The following MEGF10 variants were observed in gnomAD, a reference collection of about 807,000 sequenced individuals.
MEGF10 encodes the protein multiple EGF like domains 10.
MEGF10 carries 86 observed loss-of-function variants against 147.5 expected under a neutral mutation model. The observed-to-expected ratio is 0.58, with a 90% CI of 0.49 to 0.70. MEGF10 has a LOEUF of 0.70. MEGF10 is among the 30% of genes least tolerant of loss of function. MEGF10 has a pLI of 0.00. For synonymous variants in MEGF10, 478 were observed against 525.5 expected (o/e 0.91, Z 1.24); for missense variants, 1,329 against 1,487.3 (o/e 0.89, Z 1.75).
intron 8 of MEGF10, among the ~76,000 whole-genome samples, chr5:127,404,995 C>A (rs1290170921): frequency 6.6e-6 from 1 of 152,028 alleles, no homozygotes; most frequent in East Asian, 1.9e-4. Context: ...AGATTACAGG[C>A]GTTGGAAACA....
intron 1 of MEGF10, among the ~76,000 whole-genome samples, chr5:127,312,132 T>A (rs1389415130): frequency 1.3e-5 from 2 of 152,016 alleles, no homozygotes; most frequent in Non-Finnish European, 2.9e-5. Flanking sequence ...CTTTTCATGG[T>A]CTCCAGGGAA....
Position 127,313,859 on chromosome 5 carries a change from C to A in MEGF10, c.-18-17432C>A, listed in dbSNP as rs566973270. 1.4e-4 allele frequency among the ~76,000 whole-genome samples: 22 copies of A among 152,308 alleles called. No homozygotes were observed. The South Asian group carries it at 4.1e-3, about 29-fold the overall frequency. ...CAATTGCTGAAAAAGTAAAGCTTTT[C>A]TTTAAATAAGATTCAGAATAACTTC... On this transcript the variant is annotated intron_variant, in intron 1 of 24. Coordinates refer to ENST00000503335, the MANE Select transcript of MEGF10 (RefSeq NM_001256545.2).
Position 127,340,540 on chromosome 5 carries a change from C to T in MEGF10, c.229C>T (p.Arg77Trp), listed in dbSNP as rs752303954. Residue 77 changes from arginine to tryptophan, a missense_variant, in exon 4 of 25, where the codon CGG becomes TGG. Physicochemically the swap from Arg to Trp is moderately radical, Grantham distance 101. Transcript: ENST00000503335. ...FKCTRHRVSY[R>W]TAYRHGEKTM... is the part of the protein sequence containing the mutation. ...TTTCCTTCTCTATAGAGTCAGCTAT[C>T]GGACAGCCTATCGACATGGGGAGAA... 4 of 1,612,132 alleles carry T rather than the reference C, an allele frequency of 2.5e-6. No individual in the cohort carries two copies. Among genetic ancestry groups the T allele is most frequent in the South Asian group, 2.2e-5 (2 of 90,952 alleles).
the MEGF10 span, among the ~76,000 whole-genome samples, chr5:127,260,552 G>A: frequency 1.3e-5 from 2 of 152,166 alleles, no homozygotes; most frequent in African/African-American, 2.4e-5. Context: ...ACCAAAATCA[G>A]GCTGAACCCT....
chr5:127,280,690 T>C, the MEGF10 span, among the ~76,000 whole-genome samples: 245 of 149,616 alleles, frequency 1.6e-3, 1 homozygote, highest in African/African-American at 6.1e-3. Flanking sequence ...AATCCAGGCA[T>C]GCTGGATCCC....
intron 7 of MEGF10, among the ~76,000 whole-genome samples, chr5:127,402,345 A>G (rs966363289): frequency 2.0e-5 from 3 of 152,242 alleles, no homozygotes; most frequent in African/African-American, 7.2e-5. Flanking sequence ...ATTTGGGCTT[A>G]CTGAGTAATT....
intron 5 of MEGF10, among the ~76,000 whole-genome samples, chr5:127,382,056 A>G (rs928785305): frequency 6.6e-6 from 1 of 152,162 alleles, no homozygotes; most frequent in Non-Finnish European, 1.5e-5. Context: ...GAACTTTTTA[A>G]AACACTTGAA....
the MEGF10 span, among the ~76,000 whole-genome samples, chr5:127,234,724 A>G: frequency 2.0e-5 from 3 of 152,284 alleles, no homozygotes; most frequent in East Asian, 5.8e-4. Context: ...TATAATGGCC[A>G]GTTCTTTGTT....
chr5:127,257,307 TAAAAAAAA>T, the MEGF10 span, among the ~76,000 whole-genome samples: 3 of 130,438 alleles, frequency 2.3e-5, no homozygotes, highest in African/African-American at 8.3e-5. Context: ...TTCTTTTTAT[TAAAAAAAA>T]AAAAAAAAAA....
At chr5:127,407,687 C>T (rs989312738) in intron 8 of MEGF10, among the ~76,000 whole-genome samples, 11 of 152,044 alleles carry the variant, frequency 7.2e-5, no homozygotes, top group East Asian at 1.9e-4. Context: ...CATTTGGAAC[C>T]GCAGAAGCAG....
intron 1 of MEGF10, among the ~76,000 whole-genome samples, chr5:127,309,897 A>G (rs1485250698): frequency 1.3e-5 from 2 of 151,646 alleles, no homozygotes; most frequent in Non-Finnish European, 2.9e-5. Flanking sequence ...TCCATTTTAC[A>G]TTTCCGTCAG....
chr5:127,313,191 A>G (rs146858709), intron 1 of MEGF10, among the ~76,000 whole-genome samples: 6 of 152,314 alleles, frequency 3.9e-5, no homozygotes, highest in African/African-American at 7.2e-5. Context: ...TGTCTTTCTG[A>G]CACGGCTCTA....
rs117184015 is a variant in MEGF10, at chr5:127,353,592, C to T, written c.319+12962C>T. Among the ~76,000 whole-genome samples, 141 of 152,318 alleles carry T rather than the reference C, an allele frequency of 9.3e-4. 2 individuals are homozygous for T. The East Asian group carries it at 0.022, about 24-fold the overall frequency. On this transcript the variant is annotated intron_variant, in intron 4 of 24. Coordinates refer to ENST00000503335, the MANE Select transcript of MEGF10 (RefSeq NM_001256545.2). ...TAAGCAGCGCTGCTTGCAGCAGAAT[C>T]GTGAATGGACAAAGGAGATGGCCAG...
chr5:127,359,265 T>G (rs1217850004), intron 4 of MEGF10, among the ~76,000 whole-genome samples: 1 of 151,522 alleles, frequency 6.6e-6, no homozygotes, highest in African/African-American at 2.4e-5. Flanking sequence ...CATAGAGGAT[T>G]TGAGTGTTAG....
intron 5 of MEGF10, among the ~76,000 whole-genome samples, chr5:127,394,689 G>A (rs1457615758): frequency 6.6e-6 from 1 of 151,996 alleles, no homozygotes; most frequent in Non-Finnish European, 1.5e-5. Context: ...ATATCCATAG[G>A]CAATAAAAGA....
At chr5:127,268,537 G>A in the MEGF10 span, among the ~76,000 whole-genome samples, 1 of 152,106 alleles carries the variant, frequency 6.6e-6, no homozygotes, top group Non-Finnish European at 1.5e-5. Context: ...AGCGAGGCTG[G>A]GGGAGGGGCG....
the MEGF10 span, among the ~76,000 whole-genome samples, chr5:127,252,380 T>C: frequency 6.6e-6 from 1 of 151,844 alleles, no homozygotes; most frequent in Non-Finnish European, 1.5e-5. Context: ...ATACTCATAG[T>C]AGAAGAGTAG....
chr5:127,425,661 C>A (rs1194932379), intron 13 of MEGF10, among the ~76,000 whole-genome samples: 1 of 151,982 alleles, frequency 6.6e-6, no homozygotes, highest in Non-Finnish European at 1.5e-5. Context: ...ATATTATTTA[C>A]AAAGGTCATC....
intron 6 of MEGF10, 144 bp from the exon 7 acceptor site, chr5:127,398,532 A>C (rs1029441449): frequency 1.0e-6 from 1 of 965,068 alleles, no homozygotes; most frequent in Admixed American, 2.4e-5. Flanking sequence ...AGGCAATATG[A>C]TTAATGTTCT....
Sources: allele counts gnomAD v4.1 joint callset (sites outside exome capture counted in the v4.1 genomes callset), GRCh38; gene constraint gnomAD v4.1.1; transcripts MANE v1.5; gene names NCBI Gene and HGNC (gene_info 2026-07-23, HGNC 2026-07-21).